TET1: variants seen among roughly 807,000 people sequenced by gnomAD.
The protein encoded by TET1 is tet methylcytosine dioxygenase 1, also known as methylcytosine dioxygenase TET1.
A neutral mutation model predicts 148.7 loss-of-function variants in TET1; 13 were observed. The ratio of observed to expected loss-of-function variants is 0.09; its 90% CI spans 0.06 to 0.14. The LOEUF is 0.14. TET1 is among the 10% of genes least tolerant of loss of function. TET1 has a pLI of 1.00. For synonymous variants in TET1, 907 were observed against 937.2 expected, an observed-to-expected ratio of 0.97 and a Z score of 0.59; for missense variants, 2,182 against 2,553.8, an observed-to-expected ratio of 0.85 and a Z score of 3.14.
At chr10:68,626,268 T>G (rs997018247) in intron 3 of TET1, among the ~76,000 whole-genome samples, 3 of 151,966 alleles carry the variant, frequency 2.0e-5, no homozygotes, top group Non-Finnish European at 4.4e-5. Context: ...TTGTTTTGTT[T>G]TGTTTTGTTT....
intron 2 of TET1, among the ~76,000 whole-genome samples, chr10:68,590,706 G>A (rs1284743749): frequency 2.0e-5 from 3 of 152,058 alleles, no homozygotes; most frequent in Admixed American, 6.6e-5. Context: ...AGGATCACTT[G>A]AGCCCAGGAG....
chr10:68,690,677 C>T (rs2055577843), intron 11 of TET1, 131 bp from the exon 12 acceptor site: 1 of 849,096 alleles, frequency 1.2e-6, no homozygotes, highest in Admixed American at 3.1e-5. Context: ...ATGAACAGAA[C>T]AAAACCAACC....
intron 6 of TET1, among the ~76,000 whole-genome samples, chr10:68,662,364 T>G (rs911832159): frequency 6.6e-6 from 1 of 152,154 alleles, no homozygotes; most frequent in Non-Finnish European, 1.5e-5. Flanking sequence ...GTGATAATTT[T>G]TGTCATTGTA....
intron 3 of TET1, among the ~76,000 whole-genome samples, chr10:68,612,105 T>C (rs75541184): frequency 6.6e-6 from 1 of 151,550 alleles, no homozygotes; most frequent in Admixed American, 6.6e-5. Flanking sequence ...TTTTTTTTTT[T>C]ATTTGACAGA....
intron 3 of TET1, among the ~76,000 whole-genome samples, chr10:68,632,140 T>C (rs899989015): frequency 6.6e-5 from 10 of 151,886 alleles, no homozygotes; most frequent in African/African-American, 2.4e-4. Context: ...GCTAACATGG[T>C]GAAACCCTGT....
At chr10:68,624,658 T>TTCTC (rs201414722) in intron 3 of TET1, among the ~76,000 whole-genome samples, 13 of 95,190 alleles carry the variant, frequency 1.4e-4, no homozygotes, top group Admixed American at 3.3e-4. Flanking sequence ...CTTTCTTTCT[T>TTCTC]TCTCTCTCTC....
intron 3 of TET1, among the ~76,000 whole-genome samples, chr10:68,621,487 G>A (rs2054370348): frequency 6.6e-6 from 1 of 152,170 alleles, no homozygotes; most frequent in African/African-American, 2.4e-5. Flanking sequence ...AAGAGGCTGA[G>A]GCAGGAGAAT....
chr10:68,568,209 C>T (rs550501006), intron 1 of TET1, among the ~76,000 whole-genome samples: 5 of 144,976 alleles, frequency 3.4e-5, no homozygotes, highest in Non-Finnish European at 3.0e-5. Context: ...TGAGCCACCG[C>T]GCCCAGTCTT....
rs571992797 is a variant in TET1 at position 68,673,350 on chromosome 10, A to G, written c.4824+305A>G. 9.6e-4 allele frequency: 275 copies of G among 286,662 alleles called. 2 individuals carry two copies. The highest frequency in any genetic ancestry group is 5.9e-3 in the African/African-American group (259 of 43,904). 17.8% of individuals were successfully genotyped at this position (286,662 alleles called of 1,614,324 possible). On this transcript the variant is annotated intron_variant, in intron 8 of 11. Coordinates refer to ENST00000373644, the MANE Select transcript of TET1 (RefSeq NM_030625.3). ...GAATTTTATACTCAGCCAAAATAGG[A>G]AAAACCCATTTGCCAAAATTTCAAA...
At chr10:68,617,923 C>CT (rs201768259) in intron 3 of TET1, among the ~76,000 whole-genome samples, 347 of 145,018 alleles carry the variant, frequency 2.4e-3, no homozygotes, top group Middle Eastern at 3.6e-3. Flanking sequence ...CTTTCTTTCT[C>CT]TTTTTTTTTT....
chr10:68,678,092 ATACT>A (rs1026799102), intron 8 of TET1, among the ~76,000 whole-genome samples: 2 of 152,228 alleles, frequency 1.3e-5, no homozygotes, highest in Non-Finnish European at 2.9e-5. Flanking sequence ...GGAGAGTGAC[ATACT>A]TACACTTGCC....
intron 3 of TET1, among the ~76,000 whole-genome samples, chr10:68,627,778 A>AG (rs1222938549): frequency 6.0e-5 from 9 of 151,240 alleles, no homozygotes; most frequent in Non-Finnish European, 8.9e-5. Context: ...AAATAAAAAA[A>AG]TACAAAAATT....
At chr10:68,677,363 G>A (rs766955447) in intron 8 of TET1, among the ~76,000 whole-genome samples, 47 of 151,980 alleles carry the variant, frequency 3.1e-4, no homozygotes, top group Non-Finnish European at 6.5e-4. Context: ...AATCCGTAAA[G>A]GGCACCTATT....
rs1014972984 is a variant in TET1 at position 68,584,537 on chromosome 10, C to T, written c.1914+10285C>T. On this transcript the variant is annotated intron_variant, in intron 2 of 11. Coordinates refer to ENST00000373644, the MANE Select transcript of TET1 (RefSeq NM_030625.3). ...CAGCCTGGCCAACATGGTTAAACCC[C>T]GTCTCTACGAAAAATGCAAAAATTA... is the stretch of plus-strand genomic sequence containing the variant. 3.3e-5 allele frequency among the ~76,000 whole-genome samples: 5 copies of T among 151,122 alleles called. 1 individual carries two copies. In the South Asian group the frequency reaches 6.3e-4, roughly 19 times the overall value.
In TET1 at chr10:68,691,109, A is replaced by C. The variant is rs1208747368; in HGVS notation, c.5706A>C (p.Ser1902=). ...CTGCTGCTGATGGCCCTGGCATTTC[A>C]CAGCTTGGCGAAGTGGCTCCTCTCC... ...NAAAADGPGI[S]QLGEVAPLPT... The change falls in exon 12 of 12, where the codon TCA becomes TCC. Residue 1902 remains serine (S), a synonymous_variant. Coordinates refer to ENST00000373644, the MANE Select transcript of TET1 (RefSeq NM_030625.3). This position sits in a 1 kb window ranked among gnomAD's most constrained non-coding sequence, Gnocchi z 4.4. 5 of 1,614,114 alleles carry C rather than the reference A, an allele frequency of 3.1e-6. No homozygotes were observed. The highest frequency in any genetic ancestry group is 4.2e-6 in the Non-Finnish European group (5 of 1,180,032).
At chr10:68,684,131 G>A (rs2055476973) in intron 10 of TET1, among the ~76,000 whole-genome samples, 4 of 152,284 alleles carry the variant, frequency 2.6e-5, no homozygotes, top group Non-Finnish European at 4.4e-5. Context: ...GCTCATGTCT[G>A]TAATCCCACC....
At chr10:68,643,077 G>A (rs1292906687) in intron 3 of TET1, among the ~76,000 whole-genome samples, 3 of 151,366 alleles carry the variant, frequency 2.0e-5, no homozygotes, top group African/African-American at 7.3e-5. Context: ...TGGGCAACAT[G>A]GTGATATCCT....
At position 68,583,070 on chromosome 10, in the gene TET1, A is replaced by T. The variant is rs145978920; in HGVS notation, c.1914+8818A>T. ...TATGTGTTATCTTTTCCAGGAAGAA[A>T]AATTTGTAAAACTGGCCAACATCTT... On this transcript the variant is annotated intron_variant, in intron 2 of 11. Transcript: ENST00000373644. Among the ~76,000 whole-genome samples the T allele has an allele frequency of 2.3e-3, 349 of 152,328 alleles. 3 individuals carry two copies. The highest frequency in any genetic ancestry group is 7.7e-3 in the African/African-American group (321 of 41,572).
Position 68,646,064 on chromosome 10 carries a change from T to C in TET1, c.3335T>C (p.Val1112Ala). The C allele has an allele frequency of 1.2e-6, 2 of 1,613,992 alleles. No individual in the cohort carries two copies. Among genetic ancestry groups the C allele is most frequent in the Non-Finnish European group, 1.7e-6 (2 of 1,180,016 alleles). Residue 1112 changes from valine to alanine, a missense_variant, in exon 4 of 12, where the codon GTA becomes GCA. Physicochemically the swap from Val to Ala is moderately conservative, Grantham distance 64. This residue lies in a region of TET1 where 582 missense variants were observed against 599.5 expected (regional missense o/e 0.97). Transcript: ENST00000373644. Reference protein sequence around the residue: ...STPTSLVTCNVQQKYNQEKGT... With the variant: ...STPTSLVTCNAQQKYNQEKGT... ...CCAACAAGCCTTGTCACATGTAATG[T>C]ACAGCAAAAATACAATCAGGAGAAG...
Sources: gnomAD v4.1 joint callset for allele counts (sites outside exome capture counted in the v4.1 genomes callset) on GRCh38, gnomAD v4.1.1 for gene constraint, gnomAD v4.1.1 regional missense constraint, Gnocchi (gnomAD v3.1) non-coding constraint, MANE v1.5 for transcripts, NCBI Gene and HGNC (gene_info 2026-07-23, HGNC 2026-07-21) for gene names.